ATG12: variants seen among roughly 807,000 people sequenced by gnomAD.
ATG12 encodes the protein ubiquitin-like protein ATG12.
A neutral mutation model predicts 17.6 loss-of-function variants in ATG12; 19 were observed. The ratio of observed to expected loss-of-function variants is 1.08; its 90% CI spans 0.75 to 1.58. The LOEUF (loss-of-function observed/expected upper bound fraction) is 1.58, where lower values mean the gene tolerates loss of function less well. Among genes scored for constraint, ATG12 ranks in the 40% most tolerant of loss-of-function variants. The pLI is 0.00. For synonymous variants in ATG12, 75 were observed against 62.4 expected (o/e 1.20, Z -0.95); for missense variants, 214 against 162.0 (o/e 1.32, Z -1.74).
At position 115,828,634 on chromosome 5, in the gene ATG12, T is replaced by A. The variant is rs998051321; in HGVS notation, c.*3170A>T. On this transcript the variant is annotated 3_prime_UTR_variant, in exon 4 of 4. Transcript: ENST00000509910. ...ACACTGTCATATGTTGCAAATATTTTCCATTACCTTCTGCTGTACAAAAAC... is the reference window on the plus strand; with the variant it reads ...ACACTGTCATATGTTGCAAATATTTACCATTACCTTCTGCTGTACAAAAAC... The A allele has an allele frequency of 6.6e-6, 1 of 152,222 alleles. No individual in the cohort carries two copies. The highest frequency in any genetic ancestry group is 2.4e-5 in the African/African-American group (1 of 41,470). 9.4% of individuals were successfully genotyped at this position (152,222 alleles called of 1,614,324 possible). A position where few individuals can be genotyped will look rare whatever the true frequency, so the allele number is the denominator to read the frequency against.
At chr5:115,840,659 T>TGG (rs1175991842) in intron 1 of ATG12, 23 of 1,232,820 alleles carry the variant, frequency 1.9e-5, no homozygotes, top group Non-Finnish European at 2.1e-5. Context: ...TCAGCCTCTC[T>TGG]GAATCGAGGA....
rs1580562203 is a variant in ATG12, at chr5:115,831,130, G to A, written c.*674C>T. 6.6e-6 allele frequency: 1 copy of A among 152,192 alleles called. No homozygotes were observed. The highest frequency in any genetic ancestry group is 1.5e-5 in the Non-Finnish European group (1 of 68,058). 9.4% of individuals were successfully genotyped at this position (152,192 alleles called of 1,614,324 possible). On this transcript the variant is annotated 3_prime_UTR_variant, in exon 4 of 4. Transcript: ENST00000509910. ...ATGTTAGGACTGAAAACAGGTATAT[G>A]ACTTATTTGTCCAGAATTTATATTT...
chr5:115,840,629 GA>G, intron 1 of ATG12: 1 of 1,265,844 alleles, frequency 7.9e-7, no homozygotes, highest in South Asian at 1.3e-5. Context: ...ACAGAACGGG[GA>G]AAACGTCTAA....
chr5:115,831,452 CT>C lies in ATG12; in HGVS notation c.*351del, dbSNP rs1760866301. The C allele has an allele frequency of 3.5e-6, 1 of 287,412 alleles. No individual in the cohort carries two copies. Among genetic ancestry groups the C allele is most frequent in the African/African-American group, 2.3e-5 (1 of 44,260 alleles). The allele number at this position is 287,412 out of a possible 1,614,324, so 17.8% of individuals were successfully genotyped here. The stretch of plus-strand genomic sequence containing the variant: ...AAAAAGGAACCCTTTAGTATATTAA[CT>C]TTTACCATGAAAACAATTTCAGTCA... On this transcript the variant is annotated 3_prime_UTR_variant, in exon 4 of 4. Coordinates refer to ENST00000509910, the MANE Select transcript of ATG12 (RefSeq NM_004707.4).
intron 1 of ATG12, chr5:115,840,633 A>G: frequency 8.0e-7 from 1 of 1,254,940 alleles, no homozygotes. Flanking sequence ...AACGGGGAAA[A>G]CGTCTAAGGA....
chr5:115,836,433 C>CCT (rs1230001055), intron 2 of ATG12, among the ~76,000 whole-genome samples: 2 of 152,156 alleles, frequency 1.3e-5, no homozygotes, highest in African/African-American at 4.8e-5. Flanking sequence ...AAAGATGCAG[C>CCT]CTCTGCTCAT....
chr5:115,840,780 G>C, intron 1 of ATG12: 1 of 1,185,334 alleles, frequency 8.4e-7, no homozygotes, highest in East Asian at 6.0e-5. Flanking sequence ...AGCAATAAAG[G>C]GTTGAGGATA....
intron 2 of ATG12, chr5:115,834,928 A>G (rs1761028440): frequency 6.6e-6 from 1 of 152,136 alleles, no homozygotes; most frequent in South Asian, 2.1e-4. Context: ...CTTAAATGAC[A>G]TTTTTACAGT....
At chr5:115,836,941 C>T (rs1014085564) in intron 2 of ATG12, among the ~76,000 whole-genome samples, 2 of 152,156 alleles carry the variant, frequency 1.3e-5, no homozygotes, top group Non-Finnish European at 2.9e-5. Context: ...GAAGTATTTC[C>T]TAGTTCTTTC....
intron 3 of ATG12, 108 bp from the exon 4 acceptor site, chr5:115,831,971 G>A (rs1760888184): frequency 1.0e-6 from 1 of 960,638 alleles, no homozygotes; most frequent in Non-Finnish European, 1.6e-6. Context: ...CGTATATTAA[G>A]TTACCTATGT....
At chr5:115,832,880 G>T in intron 2 of ATG12, 1 of 414,058 alleles carries the variant, frequency 2.4e-6, no homozygotes, top group Non-Finnish European at 4.3e-6. Flanking sequence ...CCAGTTCCTA[G>T]AACAGTGGTT....
intron 1 of ATG12, chr5:115,838,653 T>G (rs947469769): frequency 6.6e-6 from 1 of 152,172 alleles, no homozygotes; most frequent in Non-Finnish European, 1.5e-5. Context: ...AAGCAATAAG[T>G]TATTAACAAT....
chr5:115,832,078 T>G (rs1760891494), intron 3 of ATG12, among the ~76,000 whole-genome samples: 1 of 152,190 alleles, frequency 6.6e-6, no homozygotes, highest in African/African-American at 2.4e-5. Flanking sequence ...ATCTTAGGCA[T>G]GAATGAGCTT....
intron 2 of ATG12, chr5:115,834,149 T>C (rs548660792): frequency 6.6e-6 from 1 of 152,368 alleles, no homozygotes; most frequent in East Asian, 1.9e-4. Flanking sequence ...AAGAAAGCAG[T>C]AATCAGGACT....
intron 2 of ATG12, among the ~76,000 whole-genome samples, chr5:115,837,184 T>A (rs1363470735): frequency 6.6e-6 from 1 of 152,102 alleles, no homozygotes; most frequent in Non-Finnish European, 1.5e-5. Flanking sequence ...GTAAAACAAA[T>A]CTAAAACATT....
chr5:115,830,780 G>A lies in ATG12; in HGVS notation c.*1024C>T, dbSNP rs1028952732. ...AATCCCCACACCTCAGCCTTCCAAA[G>A]TGCTGGGATTACAGGTGTAAGCCAC... On this transcript the variant is annotated 3_prime_UTR_variant, in exon 4 of 4. Coordinates refer to ENST00000509910, the MANE Select transcript of ATG12 (RefSeq NM_004707.4). The A allele has an allele frequency of 8.5e-5, 13 of 152,162 alleles. No homozygotes were observed. The highest frequency in any genetic ancestry group is 3.1e-4 in the African/African-American group (13 of 41,494). The allele number at this position is 152,162 out of a possible 1,614,324, so 9.4% of individuals were successfully genotyped here.
At chr5:115,841,265 A>T in intron 1 of ATG12, 125 bp downstream of exon 1, 1 of 1,268,566 alleles carries the variant, frequency 7.9e-7, no homozygotes, top group Non-Finnish European at 1.1e-6. Flanking sequence ...TTTTCTTCTG[A>T]TGACTGGTCA....
At chr5:115,838,811 G>A (rs1337327960) in intron 1 of ATG12, 1 of 152,216 alleles carries the variant, frequency 6.6e-6, no homozygotes, top group African/African-American at 2.4e-5. Context: ...ACATCTGGCT[G>A]GGCGCGGTGG....
At chr5:115,835,176 T>C (rs1219712138) in intron 2 of ATG12, 1 of 152,174 alleles carries the variant, frequency 6.6e-6, no homozygotes, top group Non-Finnish European at 1.5e-5. Flanking sequence ...ACCATCTTAT[T>C]GTTTTTAGCT....
Sources: gnomAD v4.1 joint callset for allele counts (sites outside exome capture counted in the v4.1 genomes callset) on GRCh38, gnomAD v4.1.1 for gene constraint, MANE v1.5 for transcripts, NCBI Gene and HGNC (gene_info 2026-07-23, HGNC 2026-07-21) for gene names.